GALNT13: variants seen among roughly 807,000 people sequenced by gnomAD.
The protein encoded by GALNT13 is polypeptide N-acetylgalactosaminyltransferase 13, also known as UDP-GalNAc:polypeptide N-acetylgalactosaminyltransferase 13.
GALNT13 carries 28 observed loss-of-function variants against 64.2 expected under a neutral mutation model. The observed-to-expected ratio is 0.44, with a 90% CI of 0.32 to 0.60. The LOEUF (loss-of-function observed/expected upper bound fraction) is 0.60, where lower values mean the gene tolerates loss of function less well. Among genes scored for constraint, GALNT13 ranks in the 20% least tolerant of loss-of-function variants. GALNT13 has a pLI of 0.05. For synonymous variants in GALNT13, 214 were observed against 224.6 expected (o/e 0.95, Z 0.42); for missense variants, 577 against 669.8 (o/e 0.86, Z 1.53).
At chr2:154,038,080 A>G (rs1426462040) in intron 3 of GALNT13, among the ~76,000 whole-genome samples, 1 of 152,100 alleles carries the variant, frequency 6.6e-6, no homozygotes, top group Non-Finnish European at 1.5e-5. Context: ...TTGATACTGC[A>G]GTGAGCCATA....
the GALNT13 span, among the ~76,000 whole-genome samples, chr2:153,437,728 G>A: frequency 1.3e-5 from 2 of 151,982 alleles, no homozygotes; most frequent in African/African-American, 4.8e-5. Context: ...GTCTCTGCAT[G>A]TGAGATGGGT....
intron 3 of GALNT13, among the ~76,000 whole-genome samples, chr2:153,997,303 T>A (rs2105208800): frequency 6.6e-6 from 1 of 152,292 alleles, no homozygotes; most frequent in East Asian, 1.9e-4. Flanking sequence ...AATCTATAAA[T>A]ATGTAATATC....
the GALNT13 span, among the ~76,000 whole-genome samples, chr2:153,543,093 C>G: frequency 1.3e-5 from 2 of 152,204 alleles, no homozygotes; most frequent in African/African-American, 4.8e-5. Context: ...TTGGAAGCCT[C>G]TGCTTTAAAA....
chr2:154,160,015 A>T lies in GALNT13; in HGVS notation c.311+19510A>T, dbSNP rs1325676007. Among the ~76,000 whole-genome samples, 3 of 152,190 alleles carry T rather than the reference A, an allele frequency of 2.0e-5. No homozygotes were observed. In the East Asian group the frequency reaches 5.8e-4, roughly 29 times the overall value. ...ATTAAGGGAACTGAGGGAAGAAGAG[A>T]TACTTTTATTTGGGCTGAACTATTG... On this transcript the variant is annotated intron_variant, in intron 4 of 12. Coordinates refer to ENST00000392825, the MANE Select transcript of GALNT13 (RefSeq NM_052917.4).
chr2:154,016,449 G>A (rs990982688), intron 3 of GALNT13, among the ~76,000 whole-genome samples: 3 of 152,020 alleles, frequency 2.0e-5, no homozygotes, highest in Non-Finnish European at 4.4e-5. Context: ...ACAGAGTCTC[G>A]CTCTGTCACC....
chr2:153,095,542 T>C, the GALNT13 span, among the ~76,000 whole-genome samples: 1 of 152,220 alleles, frequency 6.6e-6, no homozygotes, highest in Admixed American at 6.5e-5. Flanking sequence ...ACTGGGTATA[T>C]ACCCAAAGGA....
the GALNT13 span, among the ~76,000 whole-genome samples, chr2:153,135,656 G>A: frequency 1.3e-5 from 2 of 152,008 alleles, no homozygotes; most frequent in Admixed American, 1.3e-4. Flanking sequence ...TTTTATGTGT[G>A]TGTGATTTTT....
the GALNT13 span, among the ~76,000 whole-genome samples, chr2:153,211,281 T>C: frequency 6.6e-6 from 1 of 151,942 alleles, no homozygotes. Flanking sequence ...CAGCTGAGAC[T>C]ACAGGCATGC....
chr2:154,106,884 G>T (rs1320359287), intron 3 of GALNT13, among the ~76,000 whole-genome samples: 1 of 152,110 alleles, frequency 6.6e-6, no homozygotes, highest in Non-Finnish European at 1.5e-5. Flanking sequence ...GTTGAAATTT[G>T]ATCCCCAGTG....
chr2:154,294,087 T>C (rs985650873), intron 8 of GALNT13, among the ~76,000 whole-genome samples: 11 of 152,248 alleles, frequency 7.2e-5, no homozygotes, highest in Admixed American at 2.0e-4. Context: ...CTACACATTC[T>C]GTGAGCACAG....
At chr2:153,286,369 G>C in the GALNT13 span, among the ~76,000 whole-genome samples, 4 of 152,108 alleles carry the variant, frequency 2.6e-5, no homozygotes, top group African/African-American at 9.7e-5. Context: ...AACAATCACA[G>C]AAAATTTAGC....
chr2:153,181,611 T>G, the GALNT13 span, among the ~76,000 whole-genome samples: 3,339 of 146,882 alleles, frequency 0.023, 71 homozygotes, highest in Non-Finnish European at 0.032. Context: ...CATTTATATT[T>G]ATATAAATAT....
chr2:153,868,819 C>G (rs757770764), upstream of GALNT13, among the ~76,000 whole-genome samples: 7 of 152,156 alleles, frequency 4.6e-5, no homozygotes, highest in Non-Finnish European at 7.3e-5. Context: ...TACCATTTAT[C>G]TAAGCAAATA....
chr2:154,320,541 C>T (rs527322154), intron 9 of GALNT13, among the ~76,000 whole-genome samples: 1 of 152,104 alleles, frequency 6.6e-6, no homozygotes, highest in South Asian at 2.1e-4. Context: ...TTTTCCACTG[C>T]TGTCAGTAAA....
At chr2:153,222,430 TCTCA>T in the GALNT13 span, among the ~76,000 whole-genome samples, 4 of 61,202 alleles carry the variant, frequency 6.5e-5, no homozygotes, top group Non-Finnish European at 9.9e-5. Flanking sequence ...CACCTTAAGT[TCTCA>T]CTCCCGGCAG....
chr2:154,375,483 G>T (rs1042582602), intron 9 of GALNT13, among the ~76,000 whole-genome samples: 1 of 151,998 alleles, frequency 6.6e-6, no homozygotes, highest in East Asian at 1.9e-4. Flanking sequence ...CTCATTGGGC[G>T]CTTGCTTCCA....
At chr2:153,245,146 C>A in the GALNT13 span, among the ~76,000 whole-genome samples, 4 of 152,256 alleles carry the variant, frequency 2.6e-5, no homozygotes, top group African/African-American at 7.2e-5. Flanking sequence ...AAGCTCTCAT[C>A]TTCCTGGGAC....
At chr2:153,641,318 T>C in the GALNT13 span, among the ~76,000 whole-genome samples, 1 of 152,160 alleles carries the variant, frequency 6.6e-6, no homozygotes, top group Non-Finnish European at 1.5e-5. Context: ...ATTTCTTAAG[T>C]GGTTAAAGTT....
the GALNT13 span, among the ~76,000 whole-genome samples, chr2:153,097,888 A>C: frequency 6.6e-6 from 1 of 152,164 alleles, no homozygotes; most frequent in East Asian, 1.9e-4. Context: ...TAACATGGTG[A>C]AACCCCCTCT....
Sources: allele counts gnomAD v4.1 joint callset (sites outside exome capture counted in the v4.1 genomes callset), GRCh38; gene constraint gnomAD v4.1.1; transcripts MANE v1.5; gene names NCBI Gene and HGNC (gene_info 2026-07-23, HGNC 2026-07-21).